The following PTK2 variants were observed in gnomAD, a reference collection of about 807,000 sequenced individuals.
The protein encoded by PTK2 is protein tyrosine kinase 2, also known as focal adhesion kinase 1.
In PTK2, 45 loss-of-function variants were observed where a neutral mutation model predicts 150.1. The ratio of observed to expected loss-of-function variants is 0.30; its 90% CI spans 0.24 to 0.38. The LOEUF (loss-of-function observed/expected upper bound fraction) is 0.38, where lower values mean the gene tolerates loss of function less well. PTK2 is among the 10% of genes least tolerant of loss of function. The pLI is 1.00. For synonymous variants in PTK2, 432 were observed against 449.2 expected (o/e 0.96, Z 0.48); for missense variants, 919 against 1,307.3 (o/e 0.70, Z 4.58).
In PTK2 at chr8:140,770,708, T is replaced by G. The variant is rs1278235532; in HGVS notation, c.1178-6418A>C. On this transcript the variant is annotated intron_variant, in intron 14 of 31. Transcript: ENST00000522684. ...ATAGGAGAGCCTGTGCAAATATGAG[T>G]GCAGTACCCGTAGAAGGAGGATCAT... The G allele has an allele frequency of 7.7e-7, 1 of 1,307,138 alleles. No homozygotes were observed. Among genetic ancestry groups the G allele is most frequent in the Non-Finnish European group, 1.0e-6 (1 of 987,922 alleles). The allele number at this position is 1,307,138 out of a possible 1,614,324, so 81.0% of individuals were successfully genotyped here.
At chr8:140,770,764 T>C (rs1299122997) in intron 14 of PTK2, 6 of 1,353,628 alleles carry the variant, frequency 4.4e-6, no homozygotes, top group South Asian at 1.2e-5. Context: ...AGAAAGCGCC[T>C]AGCTTTCTTA....
intron 1 of PTK2, among the ~76,000 whole-genome samples, chr8:140,972,513 C>T (rs949142578): frequency 8.5e-5 from 13 of 152,302 alleles, no homozygotes; most frequent in African/African-American, 2.9e-4. Context: ...GATCTGCCTC[C>T]CTCCGCCTCC....
At chr8:140,850,904 C>T (rs2100128901) in intron 5 of PTK2, among the ~76,000 whole-genome samples, 1 of 152,146 alleles carries the variant, frequency 6.6e-6, no homozygotes, top group African/African-American at 2.4e-5. Context: ...CTAAATTACT[C>T]CATAATGTAT....
chr8:140,907,606 A>G (rs2100161489), intron 2 of PTK2, among the ~76,000 whole-genome samples: 1 of 152,168 alleles, frequency 6.6e-6, no homozygotes, highest in Non-Finnish European at 1.5e-5. Flanking sequence ...GCAACCCTGC[A>G]TCGAGCGAGT....
Position 140,694,942 on chromosome 8 carries a change from C to G in PTK2, c.2499+5949G>C, listed in dbSNP as rs138484302. Among the ~76,000 whole-genome samples, 637 of 152,312 alleles carry G rather than the reference C, an allele frequency of 4.2e-3. 5 individuals carry two copies. The highest frequency in any genetic ancestry group is 0.014 in the African/African-American group (592 of 41,554). ...TGACAGAGGGTCAGGGTGGCCCTCA[C>G]ACTACACCGCACCAGGCGTTATTCC... On this transcript the variant is annotated intron_variant, in intron 26 of 31. Coordinates refer to ENST00000522684, the Ensembl canonical transcript of PTK2.
chr8:140,694,049 T>C (rs2100024895), intron 26 of PTK2, among the ~76,000 whole-genome samples: 1 of 150,124 alleles, frequency 6.7e-6, no homozygotes, highest in Admixed American at 6.6e-5. Flanking sequence ...TTTCTTTTTT[T>C]TTTTTTTTTG....
intron 27 of PTK2, among the ~76,000 whole-genome samples, chr8:140,680,232 GTTC>G (rs750614634): frequency 1.3e-5 from 2 of 152,030 alleles, no homozygotes; most frequent in Non-Finnish European, 2.9e-5. Context: ...TGTCTTAGAA[GTTC>G]TTTTTTTCTA....
intron 17 of PTK2, 125 bp downstream of exon 20, chr8:140,752,107 G>A: frequency 1.2e-6 from 1 of 834,314 alleles, no homozygotes. Context: ...AATTTGCAAG[G>A]CAAAATAATA....
intron 1 of PTK2, among the ~76,000 whole-genome samples, chr8:140,996,146 T>G (rs556510016): frequency 6.6e-6 from 1 of 152,316 alleles, no homozygotes; most frequent in African/African-American, 2.4e-5. Flanking sequence ...AAAGTTTTAG[T>G]GGTCCAGATA....
chr8:140,887,859 T>C lies in PTK2; in HGVS notation c.195+2684A>G, dbSNP rs532405043. ...AAATGTGGTATATATTTTTATACTATAGCACATGTCAATTCAGACTAGCCA... is the reference window on the plus strand; with the variant it reads ...AAATGTGGTATATATTTTTATACTACAGCACATGTCAATTCAGACTAGCCA... On this transcript the variant is annotated intron_variant, in intron 3 of 31. Coordinates refer to ENST00000522684, the Ensembl canonical transcript of PTK2. Among the ~76,000 whole-genome samples, 20 of 152,328 alleles carry C rather than the reference T, an allele frequency of 1.3e-4. No individual in the cohort carries two copies. In the South Asian group the frequency reaches 3.7e-3, roughly 28 times the overall value.
chr8:140,867,543 T>G (rs1053662104), intron 4 of PTK2, among the ~76,000 whole-genome samples: 5 of 152,200 alleles, frequency 3.3e-5, no homozygotes, highest in Non-Finnish European at 7.3e-5. Flanking sequence ...TAGATCATGT[T>G]AAGAATTTTG....
At chr8:140,738,980 T>A (rs779126290) in intron 21 of PTK2, 38 bp downstream of exon 24, 9 of 1,371,570 alleles carry the variant, frequency 6.6e-6, no homozygotes, top group Middle Eastern at 2.2e-4. Flanking sequence ...ATATGAAATA[T>A]AATTTTTAAA....
intron 4 of PTK2, chr8:140,879,106 A>C (rs2100147374): frequency 1.3e-5 from 2 of 155,536 alleles, no homozygotes; most frequent in African/African-American, 4.8e-5. Flanking sequence ...CTCCTGCTAC[A>C]TAAAAGGATG....
At chr8:140,747,708 G>T (rs1298109058) in intron 17 of PTK2, among the ~76,000 whole-genome samples, 2 of 90,254 alleles carry the variant, frequency 2.2e-5, no homozygotes, top group Non-Finnish European at 4.6e-5. Context: ...GAGGAGGAGG[G>T]GGAGGAAGGG....
At chr8:140,782,292 TG>T (rs1486415631) in intron 14 of PTK2, among the ~76,000 whole-genome samples, 1 of 148,108 alleles carries the variant, frequency 6.8e-6, no homozygotes, top group Non-Finnish European at 1.5e-5. Flanking sequence ...TCACCCAGAA[TG>T]GAGTACAGTG....
At chr8:140,759,530 T>TAAAAAAAAAAAAAAAAAAA (rs761643170) in intron 16 of PTK2, among the ~76,000 whole-genome samples, 2 of 58,072 alleles carry the variant, frequency 3.4e-5, no homozygotes, top group East Asian at 5.3e-4. Flanking sequence ...GACCCTGTCC[T>TAAAAAAAAAAAAAAAAAAA]AAAAAAAAAA....
At chr8:140,868,706 A>G (rs1356340708) in intron 4 of PTK2, among the ~76,000 whole-genome samples, 1 of 152,222 alleles carries the variant, frequency 6.6e-6, no homozygotes, top group Non-Finnish European at 1.5e-5. Context: ...CATAAAAACA[A>G]TACCAAACTC....
intron 22 of PTK2, among the ~76,000 whole-genome samples, chr8:140,727,138 G>A (rs2100046341): frequency 6.6e-6 from 1 of 152,128 alleles, no homozygotes. Flanking sequence ...AAAGAGAGGT[G>A]GATGTTAAGT....
At position 140,846,341 on chromosome 8, in the gene PTK2, T is replaced by C; in HGVS notation, c.531-19A>G. The C allele has an allele frequency of 6.2e-7, 1 of 1,604,696 alleles. No individual in the cohort carries two copies. Among genetic ancestry groups the C allele is most frequent in the Non-Finnish European group, 8.5e-7 (1 of 1,172,170 alleles). ...TGATCGCCTAAAATCAGGGAAGACA[T>C]ACATTTATATGTATATATAAGGAAT... On this transcript the variant is annotated intron_variant, in intron 6 of 31. Coordinates refer to ENST00000522684, the Ensembl canonical transcript of PTK2.
Sources: gnomAD v4.1 joint callset for allele counts (sites outside exome capture counted in the v4.1 genomes callset) on GRCh38, gnomAD v4.1.1 for gene constraint, MANE v1.5 for transcripts, NCBI Gene and HGNC (gene_info 2026-07-23, HGNC 2026-07-21) for gene names.